The following SUCO variants were observed in gnomAD, a reference collection of about 807,000 sequenced individuals.
SUCO encodes the protein SUN domain-containing ossification factor.
Under a neutral mutation model 148.1 loss-of-function variants are expected in SUCO, and 57 were observed. That is an observed-to-expected ratio of 0.38 (90% CI 0.31 to 0.48). The LOEUF (loss-of-function observed/expected upper bound fraction) is 0.48, where lower values mean the gene tolerates loss of function less well. SUCO is among the 20% of genes least tolerant of loss of function. SUCO has a pLI of 0.96. For synonymous variants in SUCO, 470 were observed against 502.7 expected (o/e 0.93, Z 0.87); for missense variants, 1,331 against 1,468.2 (o/e 0.91, Z 1.53).
In SUCO at chr1:172,555,892, T is replaced by G. The variant is rs764742380; in HGVS notation, c.312T>G (p.Ser104Arg). ...AGAATACAGAGTCAAAAAAGTTAAG[T>G]CCACCGGTGGTGGAGACACTCCCTA... ...DVQNTESKKL[S>R]PPVVETLPTV... Residue 104 changes from serine to arginine, a missense_variant, in exon 4 of 24, where the codon AGT (serine) becomes AGG (arginine). Ser to Arg is a moderately radical substitution (Grantham distance 110). This residue lies in a region of SUCO where 992 missense variants were observed against 1,093.5 expected (regional missense o/e 0.91). Coordinates refer to ENST00000263688, the MANE Select transcript of SUCO (RefSeq NM_014283.5). The G allele has an allele frequency of 6.2e-7, 1 of 1,612,260 alleles. No individual in the cohort carries two copies. Among genetic ancestry groups the G allele is most frequent in the Non-Finnish European group, 8.5e-7 (1 of 1,179,044 alleles).
At chr1:172,541,331 C>T (rs998498520) in intron 1 of SUCO, among the ~76,000 whole-genome samples, 1 of 151,968 alleles carries the variant, frequency 6.6e-6, no homozygotes, top group Non-Finnish European at 1.5e-5. Context: ...TTTAAATCAC[C>T]TCTAGATATT....
At chr1:172,602,276 T>C in intron 21 of SUCO, 58 bp downstream of exon 21, 1 of 1,457,378 alleles carries the variant, frequency 6.9e-7, no homozygotes, top group South Asian at 1.4e-5. Context: ...TGTATATTTT[T>C]GAGAAATTTT....
At chr1:172,584,993 T>G in intron 15 of SUCO, 25 bp from the exon 16 acceptor site, 1 of 1,492,768 alleles carries the variant, frequency 6.7e-7, no homozygotes, top group Non-Finnish European at 9.2e-7. Context: ...TATTTGGTAC[T>G]TTTTCTGATT....
At position 172,585,048 on chromosome 1, in the gene SUCO, C is replaced by T; in HGVS notation, c.1529C>T (p.Ala510Val). The change falls in exon 16 of 24, where the codon GCT becomes GTT. Residue 510 changes from alanine (A) to valine (V), a missense_variant. Coordinates refer to ENST00000263688, the MANE Select transcript of SUCO (RefSeq NM_014283.5). ...NAILNMVNIA[A>V]NILGAKTEDL... ...ATTCTAAATATGGTGAATATTGCTGCTAATATTCTGGGAGCAAAAACTGAA... is the reference window on the plus strand; with the variant it reads ...ATTCTAAATATGGTGAATATTGCTGTTAATATTCTGGGAGCAAAAACTGAA... 1 of 1,603,332 alleles carries T rather than the reference C, an allele frequency of 6.2e-7. No homozygotes were observed. Among genetic ancestry groups the T allele is most frequent in the Admixed American group, 1.7e-5 (1 of 59,170 alleles).
intron 1 of SUCO, among the ~76,000 whole-genome samples, chr1:172,543,258 T>C (rs975276319): frequency 6.6e-6 from 1 of 152,224 alleles, no homozygotes; most frequent in Non-Finnish European, 1.5e-5. Flanking sequence ...TATTTTCTGC[T>C]TTTCCTAATA....
At chr1:172,576,984 T>C in intron 11 of SUCO, 2 of 696,452 alleles carry the variant, frequency 2.9e-6, no homozygotes, top group Non-Finnish European at 1.8e-6. Context: ...TATCTTCCAC[T>C]TCTGTAAGTT....
chr1:172,575,564 G>T lies in SUCO; in HGVS notation c.1204G>T (p.Asp402Tyr). The change falls in exon 11 of 24, where the codon GAT becomes TAT. Residue 402 changes from aspartate (D) to tyrosine (Y), a missense_variant. Asp to Tyr is a radical substitution (Grantham distance 160). Coordinates refer to ENST00000263688, the MANE Select transcript of SUCO (RefSeq NM_014283.5). ...TAAGCTGGGTACTTTTCATGGTAGA[G>T]ATGAGCGGAATGTACAGAGTTTCCC... is the stretch of plus-strand genomic sequence containing the variant. ...WIKLGTFHGR[D>Y]ERNVQSFPLD... is the part of the protein sequence containing the mutation. The T allele has an allele frequency of 6.2e-7, 1 of 1,612,378 alleles. No individual in the cohort carries two copies. Among genetic ancestry groups the T allele is most frequent in the Non-Finnish European group, 8.5e-7 (1 of 1,178,874 alleles).
intron 1 of SUCO, chr1:172,541,890 T>A (rs1652487227): frequency 2.1e-6 from 2 of 964,064 alleles, no homozygotes; most frequent in Non-Finnish European, 2.5e-6. Flanking sequence ...ATGTTAAGCA[T>A]TTTTTGTTTG....
rs766522970 is a variant in SUCO, at chr1:172,589,013, T to G, written c.1912T>G (p.Ser638Ala). The G allele has an allele frequency of 4.3e-6, 7 of 1,613,346 alleles. No homozygotes were observed. Among genetic ancestry groups the G allele is most frequent in the Non-Finnish European group, 5.9e-6 (7 of 1,179,708 alleles). The change falls in exon 18 of 24, where the codon TCA (serine) becomes GCA (alanine). Residue 638 changes from serine to alanine, a missense_variant. Around this residue, in one of 3 missense-constraint regions of SUCO, gnomAD observed 992 missense variants for 1,093.5 expected, o/e 0.91. Coordinates refer to ENST00000263688, the MANE Select transcript of SUCO (RefSeq NM_014283.5). ...SFSEYIYKWC[S>A]VRVALYRQRS... ...TTCAGAATACATATATAAATGGTGT[T>G]CAGTTAGAGTTGCTCTTTATCGGCA...
intron 13 of SUCO, 41 bp downstream of exon 13, chr1:172,577,860 A>G (rs1178609317): frequency 2.7e-6 from 4 of 1,481,918 alleles, no homozygotes; most frequent in Non-Finnish European, 3.7e-6. Flanking sequence ...TTTTAAAAAA[A>G]TTGATATACA....
At chr1:172,547,297 G>T (rs1000934229) in intron 1 of SUCO, among the ~76,000 whole-genome samples, 2 of 152,240 alleles carry the variant, frequency 1.3e-5, no homozygotes, top group East Asian at 1.9e-4. Context: ...TCTGTTAGTG[G>T]TTATCTGGAC....
At chr1:172,557,445 T>G in intron 5 of SUCO, 28 bp downstream of exon 5, 2 of 1,613,130 alleles carry the variant, frequency 1.2e-6, no homozygotes, top group Non-Finnish European at 1.7e-6. Context: ...TTTGTCCTTC[T>G]TATGATTCTG....
chr1:172,571,241 G>A (rs1015670024), intron 9 of SUCO, among the ~76,000 whole-genome samples: 2 of 152,184 alleles, frequency 1.3e-5, no homozygotes, highest in Non-Finnish European at 2.9e-5. Flanking sequence ...GTATTTTTTT[G>A]GTGGAGACGG....
Position 172,570,031 on chromosome 1 carries a change from A to G in SUCO, c.857-16A>G, listed in dbSNP as rs367881307. On this transcript the variant is annotated splice_polypyrimidine_tract_variant and intron_variant, in intron 7 of 23. Transcript: ENST00000263688. ...AAATATATATATAAATATTTATAAT[A>G]ACGGTTTGTCTGCAGGTCAGTCGAT... 1.3e-4 allele frequency: 188 copies of G among 1,395,688 alleles called. 1 individual carries two copies. The Admixed American group carries it at 1.7e-3, about 12-fold the overall frequency. 86.5% of individuals were successfully genotyped at this position (1,395,688 alleles called of 1,614,324 possible). A position where few individuals can be genotyped will look rare whatever the true frequency, so the allele number is the denominator to read the frequency against.
intron 3 of SUCO, among the ~76,000 whole-genome samples, chr1:172,553,958 G>T (rs1001551612): frequency 6.6e-6 from 1 of 152,008 alleles, no homozygotes; most frequent in African/African-American, 2.4e-5. Context: ...AAGGTACTGG[G>T]GATATTTTAT....
chr1:172,546,378 A>C (rs532597801), intron 1 of SUCO, among the ~76,000 whole-genome samples: 44 of 152,334 alleles, frequency 2.9e-4, no homozygotes, highest in African/African-American at 1.1e-3. Context: ...ACACTGTTAC[A>C]TTCACTCAAG....
chr1:172,590,443 GA>G, intron 18 of SUCO: 1 of 774,442 alleles, frequency 1.3e-6, no homozygotes, highest in Non-Finnish European at 1.6e-6. Flanking sequence ...TTAAGTGCCA[GA>G]GACAGTGCCA....
At position 172,533,479 on chromosome 1, in the gene SUCO, T is replaced by C; in HGVS notation, c.44T>C (p.Phe15Ser). The part of the protein sequence containing the change: ...RRALALVSCL[F>S]LCSLVWLPSW... Reference sequence around the variant, plus strand: ...GCCTTGGCCCTGGTCTCCTGCCTCTTTCTGTGCTCTCTGGTCTGGTGAGTA... The same window carrying C: ...GCCTTGGCCCTGGTCTCCTGCCTCTCTCTGTGCTCTCTGGTCTGGTGAGTA... Residue 15 changes from phenylalanine (F) to serine (S), a missense_variant, in exon 1 of 24, where the codon TTT becomes TCT. By Grantham distance (155) the Phe-to-Ser change is radical. Coordinates refer to ENST00000263688, the MANE Select transcript of SUCO (RefSeq NM_014283.5). 6.4e-7 allele frequency: 1 copy of C among 1,564,762 alleles called. No individual in the cohort carries two copies. The highest frequency in any genetic ancestry group is 8.7e-7 in the Non-Finnish European group (1 of 1,153,826).
At chr1:172,542,655 C>A in intron 1 of SUCO, 1 of 843,680 alleles carries the variant, frequency 1.2e-6, no homozygotes, top group Non-Finnish European at 1.4e-6. Context: ...TGGCCCCCCA[C>A]CCCATCCATG....
Sources: gnomAD v4.1 joint callset for allele counts (sites outside exome capture counted in the v4.1 genomes callset) on GRCh38, gnomAD v4.1.1 for gene constraint, gnomAD v4.1.1 regional missense constraint, MANE v1.5 for transcripts, NCBI Gene and HGNC (gene_info 2026-07-23, HGNC 2026-07-21) for gene names.